Variants in GATM observed in about 807,000 individuals in gnomAD.
GATM encodes the protein glycine amidinotransferase, mitochondrial.
Under a neutral mutation model 54.2 loss-of-function variants are expected in GATM, and 23 were observed. The ratio of observed to expected loss-of-function variants is 0.42; its 90% CI spans 0.31 to 0.60. The LOEUF (loss-of-function observed/expected upper bound fraction) is 0.60. Among genes scored for constraint, GATM ranks in the 20% least tolerant of loss-of-function variants. GATM has a pLI of 0.14. For missense variants in GATM, 401 were observed against 544.9 expected (o/e 0.74, Z 2.63); for synonymous variants, 168 against 183.1 (o/e 0.92, Z 0.67).
At chr15:45,386,496 C>G (rs1423684131) in intron 3 of GATM, among the ~76,000 whole-genome samples, 1 of 152,216 alleles carries the variant, frequency 6.6e-6, no homozygotes, top group East Asian at 1.9e-4. Context: ...GTAGATACTG[C>G]TCTGGGAGAA....
intron 3 of GATM, among the ~76,000 whole-genome samples, chr15:45,391,512 C>T (rs926203793): frequency 6.6e-6 from 1 of 152,198 alleles, no homozygotes; most frequent in Non-Finnish European, 1.5e-5. Flanking sequence ...CAAGTAGTAG[C>T]TTGAATGTTA....
chr15:45,379,462 A>G (rs1889704013), upstream of GATM: 1 of 152,150 alleles, frequency 6.6e-6, no homozygotes. Context: ...TCCAGAGTTC[A>G]TGGATGGAAA....
At chr15:45,385,053 C>T (rs1048767215) in intron 3 of GATM, among the ~76,000 whole-genome samples, 3 of 152,240 alleles carry the variant, frequency 2.0e-5, no homozygotes, top group South Asian at 4.1e-4. Flanking sequence ...TCAGACAGTG[C>T]GTATCTAGAC....
chr15:45,388,337 C>T (rs1339103964), intron 3 of GATM, among the ~76,000 whole-genome samples: 1 of 152,148 alleles, frequency 6.6e-6, no homozygotes, highest in Non-Finnish European at 1.5e-5. Context: ...CACCCATCGC[C>T]CTGTTTTGGT....
intron 2 of GATM, among the ~76,000 whole-genome samples, chr15:45,374,982 G>T (rs1217510149): frequency 6.6e-6 from 1 of 152,184 alleles, no homozygotes; most frequent in Non-Finnish European, 1.5e-5. Flanking sequence ...CCTTAGATAT[G>T]GAATCCTTAT....
chr15:45,395,466 G>A (rs772981002), intron 3 of GATM, among the ~76,000 whole-genome samples: 4 of 152,080 alleles, frequency 2.6e-5, no homozygotes, highest in Non-Finnish European at 5.9e-5. Flanking sequence ...TTTGCTCAAC[G>A]CTGGGATGGG....
intron 3 of GATM, among the ~76,000 whole-genome samples, chr15:45,393,614 T>C (rs1381637661): frequency 6.6e-6 from 1 of 152,168 alleles, no homozygotes; most frequent in Non-Finnish European, 1.5e-5. Context: ...TCCTGATAGA[T>C]GATAATAATT....
chr15:45,400,663 A>C (rs1311661990), intron 1 of GATM, among the ~76,000 whole-genome samples: 1 of 152,108 alleles, frequency 6.6e-6, no homozygotes, highest in East Asian at 1.9e-4. Context: ...CAATTCAGAA[A>C]ATTTTGAGGC....
chr15:45,393,418 TA>T (rs11310088), intron 3 of GATM, among the ~76,000 whole-genome samples: 48,080 of 147,436 alleles, frequency 0.33, 8,688 homozygotes, highest in East Asian at 0.83. Flanking sequence ...AACTATAAAT[TA>T]AAAAAAAAAA....
At chr15:45,363,373 A>G (rs1595481789) in intron 8 of GATM, among the ~76,000 whole-genome samples, 1 of 152,224 alleles carries the variant, frequency 6.6e-6, no homozygotes, top group Admixed American at 6.5e-5. Flanking sequence ...GAATATCAGG[A>G]TAAGTAAACT....
At chr15:45,390,370 A>G (rs898589634) in intron 3 of GATM, among the ~76,000 whole-genome samples, 3 of 152,244 alleles carry the variant, frequency 2.0e-5, no homozygotes, top group South Asian at 2.1e-4. Context: ...TTACAAAAAG[A>G]AGGAGCTAGG....
At chr15:45,393,622 A>AT (rs1323199490) in intron 3 of GATM, among the ~76,000 whole-genome samples, 1 of 152,184 alleles carries the variant, frequency 6.6e-6, no homozygotes, top group East Asian at 1.9e-4. Context: ...GATGATAATA[A>AT]TTACAATGAA....
Position 45,366,027 on chromosome 15 carries a change from G to C in GATM, c.978+19C>G. 6.2e-7 allele frequency: 1 copy of C among 1,613,270 alleles called. No homozygotes were observed. The highest frequency in any genetic ancestry group is 1.3e-5 in the African/African-American group (1 of 75,024). ...TACTAGATTCTGTTGCTTTTCCAGAGTCCCAAGAAATCTCTTACCTGGTGA... is the reference window on the plus strand; with the variant it reads ...TACTAGATTCTGTTGCTTTTCCAGACTCCCAAGAAATCTCTTACCTGGTGA... On this transcript the variant is annotated intron_variant, in intron 6 of 8. Transcript: ENST00000396659.
Position 45,364,031 on chromosome 15 carries a change from A to G in GATM, c.1043-15T>C, listed in dbSNP as rs1346435580. ...GAGTGGATGATCTAAAAACAGCAACAACTGTTAAACCATGTCCGCTATCAT... is the reference window on the plus strand; with the variant it reads ...GAGTGGATGATCTAAAAACAGCAACGACTGTTAAACCATGTCCGCTATCAT... On this transcript the variant is annotated splice_polypyrimidine_tract_variant and intron_variant, in intron 7 of 8. Coordinates refer to ENST00000396659, the MANE Select transcript of GATM (RefSeq NM_001482.3). The G allele has an allele frequency of 1.4e-6, 2 of 1,392,836 alleles. No homozygotes were observed. Among genetic ancestry groups the G allele is most frequent in the Admixed American group, 3.3e-5 (2 of 59,752 alleles). 86.3% of individuals were successfully genotyped at this position (1,392,836 alleles called of 1,614,324 possible).
chr15:45,366,221 A>G lies in GATM; in HGVS notation c.814-11T>C. 1 of 1,614,114 alleles carries G rather than the reference A, an allele frequency of 6.2e-7. No homozygotes were observed. Among genetic ancestry groups the G allele is most frequent in the Non-Finnish European group, 8.5e-7 (1 of 1,179,968 alleles). On this transcript the variant is annotated splice_polypyrimidine_tract_variant and intron_variant, in intron 5 of 8. Transcript: ENST00000396659. ...TAGGTAGTTTGTAACCTGAAAACAA[A>G]AGAAAGACATACGATCGATAAATAT... is the stretch of plus-strand genomic sequence containing the variant.
upstream of GATM, among the ~76,000 whole-genome samples, chr15:45,380,836 TA>T (rs1401620624): frequency 6.6e-6 from 1 of 152,158 alleles, no homozygotes; most frequent in African/African-American, 2.4e-5. Context: ...CCTACTGTTA[TA>T]AAAGCAAATC....
chr15:45,369,292 G>T, intron 3 of GATM, 34 bp downstream of exon 3: 1 of 1,581,052 alleles, frequency 6.3e-7, no homozygotes, highest in South Asian at 1.1e-5. Context: ...TGAAAATTCA[G>T]ACACTGGCAG....
At chr15:45,379,264 G>T (rs932402521), upstream of GATM, 1 of 152,158 alleles carries the variant, frequency 6.6e-6, no homozygotes, top group Non-Finnish European at 1.5e-5. Context: ...TTTTAGAAAA[G>T]TATTTTCCCT....
At chr15:45,383,461 C>T (rs908558690), upstream of GATM, among the ~76,000 whole-genome samples, 1 of 152,170 alleles carries the variant, frequency 6.6e-6, no homozygotes. Context: ...GAAGTCTGCT[C>T]CAAGGGATCT....
Sources: gnomAD v4.1 joint callset for allele counts (sites outside exome capture counted in the v4.1 genomes callset) on GRCh38, gnomAD v4.1.1 for gene constraint, MANE v1.5 for transcripts, NCBI Gene and HGNC (gene_info 2026-07-23, HGNC 2026-07-21) for gene names.